ZNF433: variants seen among roughly 807,000 people sequenced by gnomAD.
ZNF433 encodes the protein zinc finger protein 433.
Under a neutral mutation model 10.6 loss-of-function variants are expected in ZNF433, and 12 were observed. The observed-to-expected ratio is 1.13, with a 90% CI of 0.72 to 1.83. The LOEUF (loss-of-function observed/expected upper bound fraction) is 1.83. Among genes scored for constraint, ZNF433 ranks in the 40% most tolerant of loss-of-function variants. ZNF433 has a pLI of 0.00. For missense variants in ZNF433, 737 were observed against 798.0 expected (o/e 0.92, Z 0.92); for synonymous variants, 272 against 271.3 (o/e 1.00, Z -0.02).
rs530730114 is a variant in ZNF433, at chr19:12,028,190, A to G, written c.3+7347T>C. On this transcript the variant is annotated intron_variant, in intron 1 of 3. Coordinates refer to ENST00000550507, the MANE Select transcript of ZNF433 (RefSeq NM_001308348.2). ...CCCCAGTACATAGGACTGAAGTACC[A>G]TAGGAAGAACTGTGACCTAAGAAAA... Among the ~76,000 whole-genome samples, 23 of 152,238 alleles carry G rather than the reference A, an allele frequency of 1.5e-4. No homozygotes were observed. The South Asian group carries it at 4.8e-3, about 32-fold the overall frequency.
At chr19:12,030,112 A>T (rs924454611) in intron 1 of ZNF433, 13 of 379,774 alleles carry the variant, frequency 3.4e-5, no homozygotes, top group Non-Finnish European at 6.5e-5. Context: ...AAAAATAGCC[A>T]TCTGCAAACC....
chr19:12,029,521 C>CAAA (rs55659942), intron 1 of ZNF433, among the ~76,000 whole-genome samples: 4 of 48,424 alleles, frequency 8.3e-5, no homozygotes, highest in African/African-American at 8.0e-5. Context: ...GACTCTGTCT[C>CAAA]AAAAAAAAAA....
At chr19:12,023,168 C>G (rs938124382) in intron 1 of ZNF433, 1 of 152,256 alleles carries the variant, frequency 6.6e-6, no homozygotes, top group African/African-American at 2.4e-5. Context: ...ATCTATCCCC[C>G]ACCACAGCCA....
intron 1 of ZNF433, among the ~76,000 whole-genome samples, chr19:12,029,513 C>A (rs1332754085): frequency 1.1e-5 from 1 of 89,658 alleles, no homozygotes; most frequent in Non-Finnish European, 1.9e-5. Flanking sequence ...CAGAGCAAGA[C>A]TCTGTCTCAA....
At position 12,017,884 on chromosome 19, in the gene ZNF433, T is replaced by TCTC. The variant is rs760174742; in HGVS notation, c.180_182dup (p.Arg61dup). ...ATGTGAGTGCAAGTTACCTTAGGTT[T>TCTC]CTCCTTAGATTTTCGTACTCTACAT... On this transcript the variant is annotated inframe_insertion, in exon 3 of 4. Transcript: ENST00000550507. 1 of 1,589,698 alleles carries TCTC rather than the reference T, an allele frequency of 6.3e-7. No individual in the cohort carries two copies. The highest frequency in any genetic ancestry group is 8.5e-7 in the Non-Finnish European group (1 of 1,171,570).
intron 1 of ZNF433, chr19:12,030,325 A>T: frequency 3.8e-6 from 1 of 264,700 alleles, no homozygotes; most frequent in Non-Finnish European, 7.4e-6. Flanking sequence ...GGTTGAAGTG[A>T]TCCTCCTACC....
chr19:12,015,922 A>G lies in ZNF433; in HGVS notation c.936T>C (p.Cys312=), dbSNP rs764152274. Residue 312 remains cysteine (C), a synonymous_variant, in exon 4 of 4, where the codon TGT becomes TGC. Transcript: ENST00000550507. Reference sequence around the variant, plus strand: ...AACTGGGACACTTGAATGCTTTTCCACATTCCTTACATTCATATGGCTTCT... The same window carrying G: ...AACTGGGACACTTGAATGCTTTTCCGCATTCCTTACATTCATATGGCTTCT... ...TGEKPYECKE[C]GKAFKCPSSV... 1 of 1,613,824 alleles carries G rather than the reference A, an allele frequency of 6.2e-7. No individual in the cohort carries two copies. The highest frequency in any genetic ancestry group is 1.3e-5 in the African/African-American group (1 of 74,858).
intron 1 of ZNF433, among the ~76,000 whole-genome samples, chr19:12,021,290 T>C (rs753592262): frequency 2.1e-5 from 3 of 143,936 alleles, no homozygotes; most frequent in Non-Finnish European, 4.8e-5. Context: ...CAGGACTCCT[T>C]CTTTGACCAA....
In ZNF433 at chr19:12,016,664, A is replaced by T. The variant is rs369162478; in HGVS notation, c.194T>A (p.Ile65Asn). 6.2e-6 allele frequency: 10 copies of T among 1,613,000 alleles called. No individual in the cohort carries two copies. Among genetic ancestry groups the T allele is most frequent in the Non-Finnish European group, 7.6e-6 (9 of 1,179,702 alleles). ...EYENLRRNLR[I>N]VGERLFESKE... ...ACTTTCAAAGAGTCTCTCTCCCACA[A>T]TTCTGTGAACAATAAGAAGTACATT... Residue 65 changes from isoleucine to asparagine, a missense_variant and splice_region_variant, in exon 4 of 4, where the codon ATT becomes AAT. By Grantham distance (149) the Ile-to-Asn change is moderately radical. Transcript: ENST00000550507.
intron 1 of ZNF433, among the ~76,000 whole-genome samples, chr19:12,031,703 T>C (rs1975036850): frequency 6.6e-6 from 1 of 151,964 alleles, no homozygotes; most frequent in African/African-American, 2.4e-5. Flanking sequence ...ACACGAAATC[T>C]TGGCAATACA....
chr19:12,022,384 G>A (rs530421670), intron 1 of ZNF433, among the ~76,000 whole-genome samples: 20 of 152,156 alleles, frequency 1.3e-4, no homozygotes, highest in Admixed American at 9.2e-4. Flanking sequence ...ATTTCTGTTC[G>A]TGGCTCTCAG....
At chr19:12,027,139 T>C (rs1420467181) in intron 1 of ZNF433, 1 of 448,868 alleles carries the variant, frequency 2.2e-6, no homozygotes, top group Admixed American at 2.4e-5. Flanking sequence ...CTGGAGTGCT[T>C]GAAGGAGCTG....
intron 1 of ZNF433, chr19:12,023,818 A>G (rs574247808): frequency 6.6e-6 from 1 of 152,080 alleles, no homozygotes; most frequent in East Asian, 1.9e-4. Context: ...TACTGCAACA[A>G]TGGGGAGTAC....
intron 1 of ZNF433, among the ~76,000 whole-genome samples, chr19:12,032,318 T>TA (rs1568342822): frequency 6.6e-6 from 1 of 152,180 alleles, no homozygotes; most frequent in Non-Finnish European, 1.5e-5. Context: ...TTTCTCCAGT[T>TA]AAAATAGTAA....
chr19:12,019,723 T>C (rs899901020), intron 1 of ZNF433, among the ~76,000 whole-genome samples: 33 of 152,196 alleles, frequency 2.2e-4, no homozygotes, highest in African/African-American at 6.8e-4. Context: ...GGCATATATA[T>C]ACATTGAAAT....
rs932474167 is a variant in ZNF433 at position 12,027,048 on chromosome 19, ACT to A, written c.3+8487_3+8488del. ...AGGATAAAAAAGCATCTAGAAGGACACTCTAGAAACTTGGATATTGCAAAATT... is the reference window on the plus strand; with the variant it reads ...AGGATAAAAAAGCATCTAGAAGGACACTAGAAACTTGGATATTGCAAAATT... On this transcript the variant is annotated intron_variant, in intron 1 of 3. Transcript: ENST00000550507. 20 of 446,810 alleles carry A rather than the reference ACT, an allele frequency of 4.5e-5. 2 individuals are homozygous for A. The highest frequency in any genetic ancestry group is 3.7e-4 in the African/African-American group (18 of 49,292). 27.7% of individuals were successfully genotyped at this position (446,810 alleles called of 1,614,324 possible).
At chr19:12,031,381 G>T (rs891572631) in intron 1 of ZNF433, among the ~76,000 whole-genome samples, 3 of 151,732 alleles carry the variant, frequency 2.0e-5, no homozygotes, top group Non-Finnish European at 4.4e-5. Flanking sequence ...AGGCACAGTG[G>T]CTCACACCTG....
At chr19:12,029,170 T>C (rs1036352179) in intron 1 of ZNF433, among the ~76,000 whole-genome samples, 2 of 152,174 alleles carry the variant, frequency 1.3e-5, no homozygotes, top group Non-Finnish European at 2.9e-5. Context: ...GGTTTGTTTT[T>C]TCATTAAAAT....
chr19:12,023,603 G>A (rs189823310), intron 1 of ZNF433: 1 of 152,214 alleles, frequency 6.6e-6, no homozygotes, highest in African/African-American at 2.4e-5. Context: ...GTAGATACAG[G>A]AGCAGACATT....
Sources: gnomAD v4.1 joint callset for allele counts (sites outside exome capture counted in the v4.1 genomes callset) on GRCh38, gnomAD v4.1.1 for gene constraint, MANE v1.5 for transcripts, NCBI Gene and HGNC (gene_info 2026-07-23, HGNC 2026-07-21) for gene names.